Variants in KCNIP1 observed in about 807,000 individuals in gnomAD.
KCNIP1 encodes the protein potassium voltage-gated channel interacting protein 1, also known as A-type potassium channel modulatory protein KCNIP1.
KCNIP1 carries 18 observed loss-of-function variants against 33.0 expected under a neutral mutation model. That is an observed-to-expected ratio of 0.55 (90% CI 0.38 to 0.81). The LOEUF (loss-of-function observed/expected upper bound fraction) is 0.81, where lower values mean the gene tolerates loss of function less well. Ranked by LOEUF, KCNIP1 falls within the 30% of genes least tolerant of loss-of-function variation. The pLI is 0.00. For missense variants in KCNIP1, 238 were observed against 271.6 expected (o/e 0.88, Z 0.87); for synonymous variants, 93 against 98.3 (o/e 0.95, Z 0.32).
intron 1 of KCNIP1, among the ~76,000 whole-genome samples, chr5:170,578,966 G>A (rs566278229): frequency 1.3e-5 from 2 of 152,326 alleles, no homozygotes; most frequent in South Asian, 2.1e-4. Flanking sequence ...CAGAAAGAAA[G>A]CCATGACTGG....
At chr5:170,716,824 A>G (rs1315502689) in intron 1 of KCNIP1, among the ~76,000 whole-genome samples, 1 of 152,262 alleles carries the variant, frequency 6.6e-6, no homozygotes, top group Non-Finnish European at 1.5e-5. Flanking sequence ...TCACAGGAAG[A>G]TCAAGGAATT....
intron 1 of KCNIP1, among the ~76,000 whole-genome samples, chr5:170,635,863 G>T (rs1485547309): frequency 2.0e-5 from 3 of 152,250 alleles, no homozygotes; most frequent in Non-Finnish European, 4.4e-5. Flanking sequence ...AAACAGGCAG[G>T]AGGCCAGGCA....
chr5:170,588,028 G>A (rs1454531468), intron 1 of KCNIP1, among the ~76,000 whole-genome samples: 2 of 152,188 alleles, frequency 1.3e-5, no homozygotes, highest in South Asian at 2.1e-4. Flanking sequence ...GGCTTTCATG[G>A]GTTAAGGACC....
chr5:170,367,666 C>T (rs905394547), intron 1 of KCNIP1, among the ~76,000 whole-genome samples: 4 of 152,220 alleles, frequency 2.6e-5, no homozygotes, highest in African/African-American at 9.7e-5. Context: ...CAGTCTCGAG[C>T]CTTGTTCTTT....
At chr5:170,513,252 T>C (rs1182872780) in intron 1 of KCNIP1, among the ~76,000 whole-genome samples, 1 of 152,228 alleles carries the variant, frequency 6.6e-6, no homozygotes, top group African/African-American at 2.4e-5. Context: ...GATTTAAGCC[T>C]CATTTTACAA....
chr5:170,383,658 C>G, intron 1 of KCNIP1: 1 of 1,613,498 alleles, frequency 6.2e-7, no homozygotes, highest in South Asian at 1.1e-5. Flanking sequence ...GGGATGTGTC[C>G]CCATCCCTCC....
chr5:170,733,164 G>T (rs1764264640), intron 6 of KCNIP1, among the ~76,000 whole-genome samples: 2 of 152,196 alleles, frequency 1.3e-5, no homozygotes, highest in South Asian at 4.1e-4. Context: ...TGGGGATCAG[G>T]GTAAACACGA....
intron 1 of KCNIP1, among the ~76,000 whole-genome samples, chr5:170,538,646 A>G (rs1756084379): frequency 6.6e-6 from 1 of 151,612 alleles, no homozygotes; most frequent in African/African-American, 2.4e-5. Context: ...TGGCCTGGGG[A>G]TGCATAATGA....
intron 2 of KCNIP1, 30 bp downstream of exon 2, chr5:170,718,912 G>T (rs775378266): frequency 1.9e-6 from 3 of 1,595,220 alleles, no homozygotes; most frequent in African/African-American, 1.4e-5. Context: ...TGAAGGCCTG[G>T]GGGGGGTTCC....
intron 1 of KCNIP1, among the ~76,000 whole-genome samples, chr5:170,545,482 C>A (rs140700448): frequency 6.6e-6 from 1 of 152,188 alleles, no homozygotes; most frequent in African/African-American, 2.4e-5. Context: ...TCTCTTCTTG[C>A]CTTCTGGGAC....
intron 1 of KCNIP1, among the ~76,000 whole-genome samples, chr5:170,586,795 A>G (rs1758005088): frequency 6.6e-6 from 1 of 152,194 alleles, no homozygotes. Context: ...AGAGTTGTAC[A>G]CTTCATTGTG....
intron 1 of KCNIP1, among the ~76,000 whole-genome samples, chr5:170,423,633 C>T (rs1581178699): frequency 6.6e-6 from 1 of 152,228 alleles, no homozygotes; most frequent in East Asian, 1.9e-4. Flanking sequence ...GGATCCCCAG[C>T]TTGGCTACCT....
intron 1 of KCNIP1, among the ~76,000 whole-genome samples, chr5:170,475,591 AAGG>A (rs1756839189): frequency 6.6e-6 from 1 of 152,166 alleles, no homozygotes; most frequent in Non-Finnish European, 1.5e-5. Context: ...AACAAAACAA[AAGG>A]AGAAGTCACA....
At chr5:170,597,830 T>TATATATATAA (rs1758516180) in intron 1 of KCNIP1, among the ~76,000 whole-genome samples, 1 of 111,542 alleles carries the variant, frequency 9.0e-6, no homozygotes, top group African/African-American at 3.3e-5. Context: ...TATATATATA[T>TATATATATAA]GAAAGAAAGA....
chr5:170,735,866 C>T lies in KCNIP1; in HGVS notation c.*60C>T. ...TTGTACTAAACAACCACCTTAACACCCTGATCTGCCCTTGTTCTGATTTTA... is the reference window on the plus strand; with the variant it reads ...TTGTACTAAACAACCACCTTAACACTCTGATCTGCCCTTGTTCTGATTTTA... On this transcript the variant is annotated 3_prime_UTR_variant, in exon 8 of 8. Coordinates refer to ENST00000328939, the MANE Select transcript of KCNIP1 (RefSeq NM_014592.4). 7.2e-7 allele frequency: 1 copy of T among 1,386,776 alleles called. No homozygotes were observed. The highest frequency in any genetic ancestry group is 1.0e-6 in the Non-Finnish European group (1 of 974,962). 85.9% of individuals were successfully genotyped at this position (1,386,776 alleles called of 1,614,324 possible).
At chr5:170,528,515 A>G (rs1426241384) in intron 1 of KCNIP1, among the ~76,000 whole-genome samples, 1 of 152,226 alleles carries the variant, frequency 6.6e-6, no homozygotes. Flanking sequence ...AGCACAGCTC[A>G]AAAAACTTAG....
chr5:170,550,512 G>GATGATGGCAATGATGATGATGGTGATA (rs1756577093), intron 1 of KCNIP1, among the ~76,000 whole-genome samples: 2 of 151,820 alleles, frequency 1.3e-5, no homozygotes, highest in Admixed American at 1.3e-4. Flanking sequence ...TGATGGTGAT[G>GATGATGGCAATGATGATGATGGTGATA]ATGATGGCAA....
chr5:170,537,490 C>A (rs1011237189), intron 1 of KCNIP1, among the ~76,000 whole-genome samples: 4 of 152,202 alleles, frequency 2.6e-5, no homozygotes, highest in Non-Finnish European at 5.9e-5. Flanking sequence ...CTCCTCACCC[C>A]CTTTGTTCCT....
intron 1 of KCNIP1, among the ~76,000 whole-genome samples, chr5:170,697,582 C>T (rs1762940499): frequency 6.6e-6 from 1 of 152,146 alleles, no homozygotes; most frequent in Non-Finnish European, 1.5e-5. Context: ...AGTGCCCCAG[C>T]TAGGAAACGT....
Sources: allele counts gnomAD v4.1 joint callset (sites outside exome capture counted in the v4.1 genomes callset), GRCh38; gene constraint gnomAD v4.1.1; transcripts MANE v1.5; gene names NCBI Gene and HGNC (gene_info 2026-07-23, HGNC 2026-07-21).